CACNA2D1: variants seen among roughly 807,000 people sequenced by gnomAD.
The protein encoded by CACNA2D1 is calcium voltage-gated channel auxiliary subunit alpha2delta 1.
CACNA2D1 carries 53 observed loss-of-function variants against 171.5 expected under a neutral mutation model. That is an observed-to-expected ratio of 0.31 (90% CI 0.25 to 0.39). The LOEUF is 0.39. Among genes scored for constraint, CACNA2D1 ranks in the 10% least tolerant of loss-of-function variants. CACNA2D1 has a pLI of 1.00. For missense variants in CACNA2D1, 903 were observed against 1,299.8 expected (o/e 0.69, Z 4.69); for synonymous variants, 442 against 443.1 (o/e 1.00, Z 0.03).
chr7:82,210,268 T>G (rs1800425714), intron 3 of CACNA2D1, among the ~76,000 whole-genome samples: 1 of 152,182 alleles, frequency 6.6e-6, no homozygotes, highest in Non-Finnish European at 1.5e-5. Flanking sequence ...AATTCTAATC[T>G]TATTTGAAGT....
At chr7:82,341,549 T>C (rs1175283611) in intron 2 of CACNA2D1, among the ~76,000 whole-genome samples, 1 of 152,190 alleles carries the variant, frequency 6.6e-6, no homozygotes, top group Non-Finnish European at 1.5e-5. Context: ...TTGATTAAAA[T>C]AATAAATGAT....
At chr7:82,368,625 G>A (rs1822010546) in intron 1 of CACNA2D1, among the ~76,000 whole-genome samples, 1 of 152,084 alleles carries the variant, frequency 6.6e-6, no homozygotes, top group South Asian at 2.1e-4. Flanking sequence ...GAGTTGCTAA[G>A]AGACTAGAAT....
At chr7:82,008,432 C>A (rs1799370816) in intron 15 of CACNA2D1, among the ~76,000 whole-genome samples, 1 of 152,052 alleles carries the variant, frequency 6.6e-6, no homozygotes, top group Admixed American at 6.6e-5. Context: ...AAGAGTTTAA[C>A]ATAGTAGAAC....
intron 25 of CACNA2D1, among the ~76,000 whole-genome samples, chr7:81,972,699 C>T (rs1024005424): frequency 1.3e-5 from 2 of 151,878 alleles, no homozygotes; most frequent in East Asian, 1.9e-4. Flanking sequence ...TTCCTCTAAA[C>T]CCATTAAGCT....
At chr7:82,057,412 G>A (rs1234310651) in intron 10 of CACNA2D1, among the ~76,000 whole-genome samples, 1 of 152,128 alleles carries the variant, frequency 6.6e-6, no homozygotes, top group African/African-American at 2.4e-5. Context: ...AGGCTCCACT[G>A]AAATAAATGT....
intron 3 of CACNA2D1, among the ~76,000 whole-genome samples, chr7:82,183,339 C>A (rs1396015354): frequency 1.3e-5 from 2 of 152,052 alleles, no homozygotes; most frequent in Non-Finnish European, 2.9e-5. Flanking sequence ...TGGGCAGATA[C>A]TACACATAAA....
At chr7:82,313,868 A>G (rs1037529348) in intron 3 of CACNA2D1, among the ~76,000 whole-genome samples, 2 of 152,208 alleles carry the variant, frequency 1.3e-5, no homozygotes, top group Admixed American at 6.5e-5. Flanking sequence ...CATATTTCCT[A>G]CATTGAACAT....
intron 35 of CACNA2D1, 141 bp from the exon 36 acceptor site, chr7:81,962,164 T>C: frequency 1.4e-6 from 1 of 739,092 alleles, no homozygotes; most frequent in South Asian, 1.8e-5. Context: ...TTTACTGCTG[T>C]GTAATATCGT....
intron 6 of CACNA2D1, among the ~76,000 whole-genome samples, chr7:82,098,166 G>C (rs1408579750): frequency 6.6e-6 from 1 of 151,880 alleles, no homozygotes; most frequent in Non-Finnish European, 1.5e-5. Flanking sequence ...GCAAGAAATA[G>C]GAATCAGATA....
At chr7:82,000,673 C>T (rs1475479374) in intron 18 of CACNA2D1, among the ~76,000 whole-genome samples, 1 of 151,226 alleles carries the variant, frequency 6.6e-6, no homozygotes. Context: ...TCTTGGCTCA[C>T]TGCAACCTCT....
At chr7:82,183,162 A>C (rs1032966939) in intron 3 of CACNA2D1, among the ~76,000 whole-genome samples, 25 of 152,208 alleles carry the variant, frequency 1.6e-4, no homozygotes, top group African/African-American at 6.0e-4. Flanking sequence ...CTTTTCTCAT[A>C]TATTTTTCAA....
chr7:81,952,191 T>A (rs1472531586), intron 38 of CACNA2D1, among the ~76,000 whole-genome samples: 1 of 151,892 alleles, frequency 6.6e-6, no homozygotes. Flanking sequence ...TGAAAGACCA[T>A]ATATTTAAAC....
intron 2 of CACNA2D1, among the ~76,000 whole-genome samples, chr7:82,349,337 GACCTACGTA>G (rs1819591016): frequency 6.6e-6 from 1 of 152,138 alleles, no homozygotes; most frequent in Non-Finnish European, 1.5e-5. Context: ...ACTTAAGTGA[GACCTACGTA>G]TCAACTGCAA....
chr7:82,416,493 G>A (rs896579135), intron 1 of CACNA2D1, among the ~76,000 whole-genome samples: 1 of 152,042 alleles, frequency 6.6e-6, no homozygotes, highest in African/African-American at 2.4e-5. Flanking sequence ...TTAAGGTGTC[G>A]GCAGGGTCAT....
In CACNA2D1 at chr7:81,961,967, C is replaced by A. The variant is rs1554328919; in HGVS notation, c.2893G>T (p.Glu965Ter). Residue 965 changes from glutamate (E) to a stop codon, truncating the protein, a stop_gained, in exon 36 of 39, where the codon GAA (glutamate) becomes TAA (stop). Transcript: ENST00000356860. LOFTEE classifies it high-confidence loss of function. ...TTATCGAAGAAATACTGGGTTTGTT[C>A]AGTAATGCAGCTCTGCTTGGACAGG... ...ASLSKQSCIT[E>*]QTQYFFDNDS... 6.2e-7 allele frequency: 1 copy of A among 1,612,020 alleles called. No individual in the cohort carries two copies. The highest frequency in any genetic ancestry group is 1.1e-5 in the South Asian group (1 of 91,030).
chr7:81,968,621 A>G (rs934989063), intron 29 of CACNA2D1, among the ~76,000 whole-genome samples: 6 of 151,388 alleles, frequency 4.0e-5, no homozygotes, highest in Non-Finnish European at 7.4e-5. Flanking sequence ...TTTGATTATT[A>G]TACTAAATTG....
chr7:82,142,080 A>C (rs1792461315), intron 4 of CACNA2D1, among the ~76,000 whole-genome samples: 1 of 152,196 alleles, frequency 6.6e-6, no homozygotes, highest in Admixed American at 6.5e-5. Flanking sequence ...TCAAGGCATT[A>C]TGTGCAGTAT....
At chr7:82,135,904 TAAGA>T in intron 5 of CACNA2D1, among the ~76,000 whole-genome samples, 1 of 152,266 alleles carries the variant, frequency 6.6e-6, no homozygotes, top group Admixed American at 6.5e-5. Context: ...AATTTTATCT[TAAGA>T]AATAAGTATA....
chr7:81,984,410 G>A (rs970165830), intron 22 of CACNA2D1, among the ~76,000 whole-genome samples: 1 of 152,160 alleles, frequency 6.6e-6, no homozygotes, highest in African/African-American at 2.4e-5. Flanking sequence ...GGGAAGGGTG[G>A]TGGGGACTGC....
Sources: allele counts gnomAD v4.1 joint callset (sites outside exome capture counted in the v4.1 genomes callset), GRCh38; gene constraint gnomAD v4.1.1; transcripts MANE v1.5; gene names NCBI Gene and HGNC (gene_info 2026-07-23, HGNC 2026-07-21).